The following NAV2 variants were observed in gnomAD, a reference collection of about 807,000 sequenced individuals.
NAV2 encodes the protein helicase, APC down-regulated 1.
A neutral mutation model predicts 223.2 loss-of-function variants in NAV2; 54 were observed. That is an observed-to-expected ratio of 0.24 (90% CI 0.19 to 0.30). The LOEUF (loss-of-function observed/expected upper bound fraction) is 0.30, where lower values mean the gene tolerates loss of function less well. NAV2 is among the 10% of genes least tolerant of loss of function. NAV2 has a pLI of 1.00. For missense variants in NAV2, 2,806 were observed against 3,147.5 expected, an observed-to-expected ratio of 0.89 and a Z score of 2.60; for synonymous variants, 1,279 against 1,239.3, an observed-to-expected ratio of 1.03 and a Z score of -0.67.
intron 1 of NAV2, among the ~76,000 whole-genome samples, chr11:19,444,086 C>A (rs1851498827): frequency 6.6e-6 from 1 of 152,090 alleles, no homozygotes. Context: ...AGGCACCAGC[C>A]ACCATGACAC....
intron 11 of NAV2, among the ~76,000 whole-genome samples, chr11:20,034,152 A>G (rs1403586456): frequency 2.0e-5 from 3 of 152,140 alleles, no homozygotes; most frequent in Non-Finnish European, 4.4e-5. Flanking sequence ...CTCGATCAAG[A>G]TCCACTCTGT....
chr11:20,077,185 A>T (rs1370763615), intron 22 of NAV2, among the ~76,000 whole-genome samples: 1 of 152,198 alleles, frequency 6.6e-6, no homozygotes, highest in Non-Finnish European at 1.5e-5. Flanking sequence ...TGTATATCAG[A>T]AGTACAGTTT....
At chr11:19,777,959 C>A (rs1278071641) in intron 1 of NAV2, 2 of 455,558 alleles carry the variant, frequency 4.4e-6, no homozygotes, top group Non-Finnish European at 8.8e-6. Flanking sequence ...TTTGGCTTGT[C>A]TGTGGGGAAT....
chr11:19,770,238 A>AT (rs1334577724), intron 1 of NAV2, among the ~76,000 whole-genome samples: 1 of 133,274 alleles, frequency 7.5e-6, no homozygotes, highest in Admixed American at 8.2e-5. Context: ...TGTGGCAGGA[A>AT]TTTTTTTTAA....
intron 1 of NAV2, among the ~76,000 whole-genome samples, chr11:19,678,233 C>A (rs73426612): frequency 6.6e-6 from 1 of 152,160 alleles, no homozygotes; most frequent in Non-Finnish European, 1.5e-5. Context: ...CTGTTCTAAG[C>A]TCCTTTTTTG....
intron 1 of NAV2, among the ~76,000 whole-genome samples, chr11:19,767,712 G>A (rs1461295208): frequency 2.0e-5 from 3 of 152,228 alleles, no homozygotes; most frequent in East Asian, 3.8e-4. Context: ...ATGTGCAGAT[G>A]AGCGAGCAGG....
At chr11:19,896,896 G>A (rs893743586) in intron 6 of NAV2, among the ~76,000 whole-genome samples, 6 of 152,158 alleles carry the variant, frequency 3.9e-5, no homozygotes, top group Non-Finnish European at 8.8e-5. Context: ...TATACCCAAA[G>A]GATTATAAAT....
chr11:19,693,957 TA>T (rs1279997946), intron 1 of NAV2, among the ~76,000 whole-genome samples: 1 of 152,218 alleles, frequency 6.6e-6, no homozygotes, highest in Non-Finnish European at 1.5e-5. Flanking sequence ...AAGTAGTTGT[TA>T]TAGACAATTT....
intron 11 of NAV2, among the ~76,000 whole-genome samples, chr11:20,032,539 C>T (rs1330188330): frequency 6.6e-6 from 1 of 152,234 alleles, no homozygotes; most frequent in Non-Finnish European, 1.5e-5. Flanking sequence ...CACCATTCCC[C>T]TTTCTTCTTC....
At chr11:19,469,469 C>T (rs1043779160) in intron 1 of NAV2, among the ~76,000 whole-genome samples, 4 of 152,158 alleles carry the variant, frequency 2.6e-5, no homozygotes, top group African/African-American at 9.7e-5. Flanking sequence ...AGCCCATTTC[C>T]ACTGGTCCTA....
intron 1 of NAV2, among the ~76,000 whole-genome samples, chr11:19,551,097 T>C (rs548255406): frequency 6.6e-6 from 1 of 152,386 alleles, no homozygotes; most frequent in Non-Finnish European, 1.5e-5. Flanking sequence ...ATGAGCTGTC[T>C]TCTTCTACCC....
At chr11:19,723,836 C>T (rs1481673924) in intron 1 of NAV2, among the ~76,000 whole-genome samples, 4 of 152,188 alleles carry the variant, frequency 2.6e-5, no homozygotes, top group African/African-American at 7.2e-5. Flanking sequence ...CAGACAGTCC[C>T]CATTTCATGC....
intron 1 of NAV2, among the ~76,000 whole-genome samples, chr11:19,568,837 C>T (rs1319452813): frequency 6.6e-6 from 1 of 152,198 alleles, no homozygotes; most frequent in Non-Finnish European, 1.5e-5. Flanking sequence ...TAATTCTAAT[C>T]TAAGTGGATC....
chr11:19,498,899 G>A (rs2042879458), intron 1 of NAV2, among the ~76,000 whole-genome samples: 1 of 152,190 alleles, frequency 6.6e-6, no homozygotes, highest in African/African-American at 2.4e-5. Context: ...TGACAGCTCT[G>A]TTATAAGCTT....
intron 36 of NAV2, 75 bp from the exon 37 acceptor site, chr11:20,114,517 C>T: frequency 7.0e-7 from 1 of 1,431,598 alleles, no homozygotes; most frequent in Non-Finnish European, 9.7e-7. Context: ...GGGAGTTTTT[C>T]AGAAAGCTGC....
intron 1 of NAV2, among the ~76,000 whole-genome samples, chr11:19,716,394 G>C (rs2050317842): frequency 6.6e-6 from 1 of 152,178 alleles, no homozygotes; most frequent in South Asian, 2.1e-4. Flanking sequence ...ACAACCATTA[G>C]AGTTGTGAGC....
chr11:20,034,959 G>A (rs987871851), intron 11 of NAV2, among the ~76,000 whole-genome samples: 2 of 152,208 alleles, frequency 1.3e-5, no homozygotes, highest in African/African-American at 2.4e-5. Context: ...TCGCAATGGA[G>A]AGGGGTGCAA....
chr11:19,394,674 G>A (rs867630364), intron 1 of NAV2, among the ~76,000 whole-genome samples: 1 of 152,200 alleles, frequency 6.6e-6, no homozygotes, highest in Admixed American at 6.5e-5. Context: ...AAACTTCCCC[G>A]AGCTGAAATC....
chr11:20,105,445 C>G, intron 34 of NAV2, 86 bp from the exon 35 acceptor site: 1 of 1,110,672 alleles, frequency 9.0e-7, no homozygotes, highest in South Asian at 1.4e-5. Flanking sequence ...TATACACCTT[C>G]TGTTTCTAAC....
Sources: gnomAD v4.1 joint callset for allele counts (sites outside exome capture counted in the v4.1 genomes callset) on GRCh38, gnomAD v4.1.1 for gene constraint, MANE v1.5 for transcripts, NCBI Gene and HGNC (gene_info 2026-07-23, HGNC 2026-07-21) for gene names.